CNTNAP5: variants seen among roughly 807,000 people sequenced by gnomAD.
CNTNAP5 encodes contactin-associated protein-like 5.
CNTNAP5 carries 72 observed loss-of-function variants against 150.2 expected under a neutral mutation model. The observed-to-expected ratio is 0.48, with a 90% confidence interval of 0.40 to 0.58. The LOEUF is 0.58. CNTNAP5 is among the 20% of genes least tolerant of loss of function. The pLI is 0.00. For missense variants in CNTNAP5, 1,636 were observed against 1,626.2 expected, an observed-to-expected ratio of 1.01 and a Z score of -0.10; for synonymous variants, 672 against 619.8, an observed-to-expected ratio of 1.08 and a Z score of -1.25.
At chr2:124,891,381 G>A (rs1678191771) in intron 21 of CNTNAP5, among the ~76,000 whole-genome samples, 1 of 152,094 alleles carries the variant, frequency 6.6e-6, no homozygotes, top group African/African-American at 2.4e-5. Context: ...TTTTCAATGT[G>A]TTCTAGTGGA....
chr2:124,074,467 C>T (rs1682388059), intron 1 of CNTNAP5, among the ~76,000 whole-genome samples: 2 of 152,140 alleles, frequency 1.3e-5, no homozygotes, highest in East Asian at 3.9e-4. Flanking sequence ...TAAATATATA[C>T]ACGTACTATG....
chr2:124,318,547 A>T (rs949081536), intron 3 of CNTNAP5, among the ~76,000 whole-genome samples: 20 of 152,150 alleles, frequency 1.3e-4, no homozygotes, highest in African/African-American at 4.8e-4. Flanking sequence ...GAATGTCTAA[A>T]ATTCTATTAA....
At chr2:124,630,709 G>A (rs1192061003) in intron 12 of CNTNAP5, among the ~76,000 whole-genome samples, 1 of 152,096 alleles carries the variant, frequency 6.6e-6, no homozygotes, top group Non-Finnish European at 1.5e-5. Flanking sequence ...ACATAGTAGT[G>A]TTGGGAGTTC....
rs542630398 is a variant in CNTNAP5 at position 124,232,975 on chromosome 2, G to T, written c.188-9225G>T. ...TATTTCCAGAACAGGGTGGTTACAA[G>T]ATCCTTTACCCTATAATACTTTATT... is the stretch of plus-strand genomic sequence containing the variant. On this transcript the variant is annotated intron_variant, in intron 2 of 23. Transcript: ENST00000682447. Among the ~76,000 whole-genome samples, 9 of 150,816 alleles carry T rather than the reference G, an allele frequency of 6.0e-5. No homozygotes were observed. The East Asian group carries it at 1.6e-3, about 26-fold the overall frequency.
intron 3 of CNTNAP5, among the ~76,000 whole-genome samples, chr2:124,366,990 C>A (rs1690387886): frequency 6.6e-6 from 1 of 152,160 alleles, no homozygotes; most frequent in African/African-American, 2.4e-5. Flanking sequence ...CTGGGCCACA[C>A]AATATGGCAC....
chr2:124,521,295 A>G (rs1694841154), intron 8 of CNTNAP5, among the ~76,000 whole-genome samples: 1 of 152,216 alleles, frequency 6.6e-6, no homozygotes, highest in South Asian at 2.1e-4. Flanking sequence ...ATTTTCCTCC[A>G]CAGAGCTAAA....
In CNTNAP5 at chr2:124,455,565, A is replaced by G. The variant is rs142466340; in HGVS notation, c.918+8628A>G. ...GAGAGAACCCTCCCTAAGTCATTCT[A>G]TGAAGCCAATATCACCCTAATACCA... On this transcript the variant is annotated intron_variant, in intron 6 of 23. Transcript: ENST00000682447. Among the ~76,000 whole-genome samples the G allele has an allele frequency of 7.1e-3, 1,083 of 152,302 alleles. 12 individuals carry two copies. Among genetic ancestry groups the G allele is most frequent in the African/African-American group, 0.024 (1,018 of 41,576 alleles).
At chr2:124,028,749 T>C (rs955701425) in intron 1 of CNTNAP5, among the ~76,000 whole-genome samples, 2 of 152,046 alleles carry the variant, frequency 1.3e-5, no homozygotes, top group African/African-American at 4.8e-5. Context: ...AGCTGAGGAG[T>C]TCTAGCCCTA....
chr2:124,655,371 C>T (rs558906355), intron 13 of CNTNAP5, among the ~76,000 whole-genome samples: 2 of 152,200 alleles, frequency 1.3e-5, no homozygotes, highest in Admixed American at 6.5e-5. Flanking sequence ...ATATGTGCCA[C>T]ATTTTCTTAA....
At chr2:124,423,857 G>T (rs1474561019) in intron 4 of CNTNAP5, among the ~76,000 whole-genome samples, 2 of 140,862 alleles carry the variant, frequency 1.4e-5, no homozygotes, top group Admixed American at 7.3e-5. Flanking sequence ...GTAGAGACGG[G>T]GTTTCACCGT....
At chr2:124,578,876 A>G (rs1040234613) in intron 11 of CNTNAP5, among the ~76,000 whole-genome samples, 6 of 152,222 alleles carry the variant, frequency 3.9e-5, no homozygotes, top group African/African-American at 1.2e-4. Context: ...AGACTTCTCT[A>G]TTATCATGAC....
intron 12 of CNTNAP5, among the ~76,000 whole-genome samples, chr2:124,645,230 T>A (rs1450918710): frequency 6.6e-6 from 1 of 152,228 alleles, no homozygotes; most frequent in Non-Finnish European, 1.5e-5. Context: ...AATTATGTCT[T>A]ATTTTTGTTT....
At chr2:124,655,941 G>GAAAGAAAGAAAAAA (rs1180720883) in intron 13 of CNTNAP5, among the ~76,000 whole-genome samples, 1 of 58,138 alleles carries the variant, frequency 1.7e-5, no homozygotes, top group African/African-American at 6.7e-5. Flanking sequence ...GAGAGAGAGA[G>GAAAGAAAGAAAAAA]AGAGAGAAAG....
At chr2:124,156,692 TCCATGTTGGCCAGGCTGGTCA>T (rs1419125161) in intron 1 of CNTNAP5, among the ~76,000 whole-genome samples, 1 of 152,066 alleles carries the variant, frequency 6.6e-6, no homozygotes, top group Non-Finnish European at 1.5e-5. Context: ...ACGGGGTTTC[TCCATGTTGGCCAGGCTGGTCA>T]CCTCACCTTA....
At chr2:124,136,322 G>A (rs751735185) in intron 1 of CNTNAP5, among the ~76,000 whole-genome samples, 11 of 152,140 alleles carry the variant, frequency 7.2e-5, no homozygotes, top group Non-Finnish European at 1.5e-4. Context: ...ACAATAGAGG[G>A]GAGAAGTGAA....
chr2:124,286,681 A>G (rs1688160031), intron 3 of CNTNAP5, among the ~76,000 whole-genome samples: 2 of 152,146 alleles, frequency 1.3e-5, no homozygotes, highest in Non-Finnish European at 2.9e-5. Flanking sequence ...AGACCAAGAC[A>G]TTGCTGGCAA....
At chr2:124,076,911 C>G (rs1682451014) in intron 1 of CNTNAP5, among the ~76,000 whole-genome samples, 1 of 152,032 alleles carries the variant, frequency 6.6e-6, no homozygotes, top group Admixed American at 6.6e-5. Context: ...CTATAAAAAA[C>G]AGCTCCATCA....
chr2:124,561,983 G>C (rs1025455712), intron 10 of CNTNAP5, among the ~76,000 whole-genome samples: 1 of 151,974 alleles, frequency 6.6e-6, no homozygotes, highest in African/African-American at 2.4e-5. Flanking sequence ...AAAAATTATG[G>C]TATGTATCAT....
chr2:124,507,962 T>G (rs1230247525), intron 8 of CNTNAP5, among the ~76,000 whole-genome samples: 1 of 152,200 alleles, frequency 6.6e-6, no homozygotes, highest in Non-Finnish European at 1.5e-5. Flanking sequence ...TTCTGTCATA[T>G]TCTATTCCTT....
Sources: allele counts gnomAD v4.1 joint callset (sites outside exome capture counted in the v4.1 genomes callset), GRCh38; gene constraint gnomAD v4.1.1; transcripts MANE v1.5; gene names NCBI Gene and HGNC (gene_info 2026-07-23, HGNC 2026-07-21).